The following SLC26A5 variants were observed in gnomAD, a reference collection of about 807,000 sequenced individuals.
The protein encoded by SLC26A5 is prestin.
Under a neutral mutation model 81.0 loss-of-function variants are expected in SLC26A5, and 51 were observed. That is an observed-to-expected ratio of 0.63 (90% CI 0.50 to 0.80). SLC26A5 has a LOEUF of 0.80. SLC26A5 is among the 30% of genes least tolerant of loss of function. The probability of loss-of-function intolerance (pLI) is 0.00; values close to 1 mark genes in which losing one functional copy is unlikely to be tolerated. For missense variants in SLC26A5, 771 were observed against 905.8 expected, an observed-to-expected ratio of 0.85 and a Z score of 1.91; for synonymous variants, 325 against 332.8, an observed-to-expected ratio of 0.98 and a Z score of 0.25.
chr7:103,411,685 T>C, intron 5 of SLC26A5, 99 bp from the exon 6 acceptor site: 1 of 1,349,768 alleles, frequency 7.4e-7, no homozygotes, highest in Non-Finnish European at 1.1e-6. Flanking sequence ...CAAGAAATCA[T>C]GCTTGAAGGA....
At chr7:103,371,901 T>C (rs1659631767), downstream of SLC26A5, among the ~76,000 whole-genome samples, 1 of 151,878 alleles carries the variant, frequency 6.6e-6, no homozygotes, top group East Asian at 1.9e-4. Context: ...TTCACCATGA[T>C]GGCCAGGCTG....
At chr7:103,353,516 AGGCT>A (rs1401495991) in intron 19 of SLC26A5, among the ~76,000 whole-genome samples, 1 of 152,152 alleles carries the variant, frequency 6.6e-6, no homozygotes, top group African/African-American at 2.4e-5. Context: ...CAGGTTGGCT[AGGCT>A]GGTCTCAAAC....
intron 19 of SLC26A5, chr7:103,365,992 T>G: frequency 9.4e-7 from 1 of 1,068,618 alleles, no homozygotes; most frequent in Non-Finnish European, 1.4e-6. Flanking sequence ...GGAATAAATA[T>G]TGAAAAGTTT....
chr7:103,420,903 T>C (rs1562794467), intron 3 of SLC26A5, 26 bp from the exon 4 acceptor site: 2 of 1,588,176 alleles, frequency 1.3e-6, no homozygotes, highest in East Asian at 2.2e-5. Flanking sequence ...CAGACAGAGA[T>C]AAAGTTATAA....
intron 19 of SLC26A5, among the ~76,000 whole-genome samples, chr7:103,358,487 T>C (rs1820171046): frequency 1.3e-5 from 2 of 152,194 alleles, no homozygotes; most frequent in South Asian, 4.1e-4. Flanking sequence ...TGCTAATCTT[T>C]CCTTCCTGTT....
intron 18 of SLC26A5, among the ~76,000 whole-genome samples, chr7:103,377,148 A>G (rs567973247): frequency 1.8e-4 from 27 of 152,204 alleles, no homozygotes; most frequent in Non-Finnish European, 3.5e-4. Flanking sequence ...TTCAAAATAA[A>G]AAACGATTTT....
intron 2 of SLC26A5, among the ~76,000 whole-genome samples, chr7:103,434,040 C>T (rs1826274380): frequency 6.6e-6 from 1 of 152,132 alleles, no homozygotes; most frequent in African/African-American, 2.4e-5. Context: ...ATCTGTCAAC[C>T]TACAGTTTAT....
intron 19 of SLC26A5, among the ~76,000 whole-genome samples, chr7:103,360,601 G>T (rs1820325918): frequency 6.6e-6 from 1 of 152,082 alleles, no homozygotes; most frequent in South Asian, 2.1e-4. Flanking sequence ...CTACCTATGT[G>T]CGCACTCCAC....
chr7:103,361,974 A>G (rs765537959), intron 19 of SLC26A5: 29 of 1,612,632 alleles, frequency 1.8e-5, no homozygotes, highest in African/African-American at 8.0e-5. Flanking sequence ...AAGATAATCA[A>G]TGCTGATTCG....
chr7:103,377,873 G>A, intron 17 of SLC26A5, 74 bp from the exon 18 acceptor site: 1 of 1,408,216 alleles, frequency 7.1e-7, no homozygotes, highest in Non-Finnish European at 1.0e-6. Context: ...GATTTATAAT[G>A]GAAAATCTGC....
chr7:103,408,065 ACT>A lies in SLC26A5; in HGVS notation c.736-64_736-63del, dbSNP rs969824756. 4.4e-6 allele frequency: 7 copies of A among 1,579,016 alleles called. No homozygotes were observed. In the African/African-American group the frequency reaches 9.4e-5, roughly 21 times the overall value. On this transcript the variant is annotated intron_variant, in intron 7 of 19. Coordinates refer to ENST00000306312, the MANE Select transcript of SLC26A5 (RefSeq NM_198999.3). ...AATCGCCCCTGAGAGAGACAGAGAC[ACT>A]CTAGCGCACTAATTCACACCAGCCA...
At chr7:103,427,892 G>A (rs530932804) in intron 2 of SLC26A5, among the ~76,000 whole-genome samples, 4 of 145,296 alleles carry the variant, frequency 2.8e-5, no homozygotes, top group East Asian at 2.0e-4. Context: ...TCACTCTGTC[G>A]CCCAGGCTGG....
intron 19 of SLC26A5, among the ~76,000 whole-genome samples, chr7:103,357,171 C>G (rs934723208): frequency 1.3e-5 from 2 of 151,848 alleles, no homozygotes; most frequent in African/African-American, 4.8e-5. Context: ...ACTAAAAATA[C>G]AAAAATTAAC....
At position 103,377,600 on chromosome 7, in the gene SLC26A5, C is replaced by T. The variant is rs1306722260; in HGVS notation, c.1985G>A (p.Gly662Glu). Residue 662 changes from glycine (G) to glutamate (E), a missense_variant and splice_region_variant, in exon 18 of 20, where the codon GGG (glycine) becomes GAG (glutamate). Physicochemically the swap from Gly to Glu is moderately conservative, Grantham distance 98. Coordinates refer to ENST00000306312, the MANE Select transcript of SLC26A5 (RefSeq NM_198999.3). ...TGACTCGTTCAAGAGGATGCTTACC[C>T]CTGCCAGAGTTTTCACTCCAACAGA... ...IDSVGVKTLAGIVKEYGDVGI... is the reference protein window; with the variant it reads ...IDSVGVKTLAEIVKEYGDVGI... 6.2e-7 allele frequency: 1 copy of T among 1,613,938 alleles called. No homozygotes were observed. Among genetic ancestry groups the T allele is most frequent in the South Asian group, 1.1e-5 (1 of 91,038 alleles).
intron 19 of SLC26A5, among the ~76,000 whole-genome samples, chr7:103,360,632 T>C (rs899656986): frequency 2.6e-5 from 4 of 152,198 alleles, no homozygotes; most frequent in Non-Finnish European, 5.9e-5. Context: ...TGTATTTCTC[T>C]GTAATTCTTG....
At chr7:103,440,256 T>C (rs1180932021) in intron 2 of SLC26A5, among the ~76,000 whole-genome samples, 1 of 152,214 alleles carries the variant, frequency 6.6e-6, no homozygotes, top group Non-Finnish European at 1.5e-5. Context: ...CCTTGTTACC[T>C]TTGAGATTGT....
At chr7:103,398,260 T>C (rs1823305807) in intron 8 of SLC26A5, among the ~76,000 whole-genome samples, 1 of 152,214 alleles carries the variant, frequency 6.6e-6, no homozygotes, top group African/African-American at 2.4e-5. Flanking sequence ...TTTTCTATAC[T>C]AAGGCGTCTG....
chr7:103,380,330 T>C (rs1182401962), intron 15 of SLC26A5, 150 bp downstream of exon 15: 1 of 629,074 alleles, frequency 1.6e-6, no homozygotes, highest in African/African-American at 1.9e-5. Flanking sequence ...ATTATAAAAT[T>C]GAATCCATAT....
At chr7:103,386,808 G>C (rs1011274184) in intron 14 of SLC26A5, among the ~76,000 whole-genome samples, 5 of 151,666 alleles carry the variant, frequency 3.3e-5, no homozygotes, top group African/African-American at 4.8e-5. Flanking sequence ...TGTCGCCCAG[G>C]CTGGAGTGCA....
Sources: gnomAD v4.1 joint callset for allele counts (sites outside exome capture counted in the v4.1 genomes callset) on GRCh38, gnomAD v4.1.1 for gene constraint, MANE v1.5 for transcripts, NCBI Gene and HGNC (gene_info 2026-07-23, HGNC 2026-07-21) for gene names.